The following SPPL2A variants were observed in gnomAD, a reference collection of about 807,000 sequenced individuals.
SPPL2A encodes the protein signal peptide peptidase like 2A, also known as signal peptide peptidase-like 2A.
In SPPL2A, 51 loss-of-function variants were observed where a neutral mutation model predicts 63.8. That is an observed-to-expected ratio of 0.80 (90% CI 0.64 to 1.01). SPPL2A has a LOEUF of 1.01. Ranked by LOEUF, SPPL2A falls within the 50% of genes least tolerant of loss-of-function variation. SPPL2A has a pLI of 0.00. For missense variants in SPPL2A, 553 were observed against 622.7 expected (o/e 0.89, Z 1.19); for synonymous variants, 188 against 205.8 (o/e 0.91, Z 0.74).
intron 6 of SPPL2A, among the ~76,000 whole-genome samples, chr15:50,738,541 T>C (rs1004161692): frequency 6.7e-6 from 1 of 149,920 alleles, no homozygotes; most frequent in Admixed American, 6.7e-5. Flanking sequence ...AGAGCAAGAC[T>C]CTGTTTCCAA....
intron 13 of SPPL2A, 21 bp from the exon 14 acceptor site, chr15:50,720,121 T>G: frequency 6.3e-7 from 1 of 1,588,408 alleles, no homozygotes; most frequent in Non-Finnish European, 8.5e-7. Flanking sequence ...AATACCAAGC[T>G]ATAAGTCATT....
chr15:50,724,863 C>T (rs1307267178), intron 12 of SPPL2A, among the ~76,000 whole-genome samples: 4 of 152,130 alleles, frequency 2.6e-5, no homozygotes, highest in Admixed American at 1.3e-4. Context: ...ACCCCTTTTT[C>T]TAAAACATAA....
At chr15:50,755,557 G>C (rs563839410) in intron 1 of SPPL2A, among the ~76,000 whole-genome samples, 8 of 144,124 alleles carry the variant, frequency 5.6e-5, no homozygotes, top group Non-Finnish European at 1.0e-4. Flanking sequence ...GGAGGTTGAA[G>C]CTGCAGGGAG....
At chr15:50,743,079 CTGGG>C (rs1260794404) in intron 5 of SPPL2A, 1 of 152,330 alleles carries the variant, frequency 6.6e-6, no homozygotes, top group African/African-American at 2.4e-5. Context: ...CGAAACTAGC[CTGGG>C]CAACACGGTG....
rs34293425 is a variant in SPPL2A, at chr15:50,762,899, AT to A, written c.66+2568del. Among the ~76,000 whole-genome samples the A allele has an allele frequency of 9.9e-4, 143 of 143,884 alleles. 1 individual carries two copies. The highest frequency in any genetic ancestry group is 1.0e-3 in the African/African-American group (41 of 39,166). The allele number at this position is 143,884 out of a possible 152,430, so 94.4% of individuals were successfully genotyped here. ...AGGCACGCACCACCACGCCCGGCTA[AT>A]TTTTTTTTTTTTGTATTTTTTTTTA... On this transcript the variant is annotated intron_variant, in intron 1 of 14. Coordinates refer to ENST00000261854, the MANE Select transcript of SPPL2A (RefSeq NM_032802.4).
chr15:50,749,654 T>C lies in SPPL2A; in HGVS notation c.159A>G (p.Pro53=). The part of the protein sequence containing the change: ...MLYNPYWTAL[P]STLENATSIS... The stretch of plus-strand genomic sequence containing the variant: ...TACTTACTGCATTTTCTAGGGTACT[T>C]GGAAGAGCTGTCCAATAAGGGTTAT... Residue 53 remains proline (P), a synonymous_variant, in exon 2 of 15, where the codon CCA becomes CCG. Coordinates refer to ENST00000261854, the MANE Select transcript of SPPL2A (RefSeq NM_032802.4). The C allele has an allele frequency of 1.3e-6, 2 of 1,599,932 alleles. No individual in the cohort carries two copies. The highest frequency in any genetic ancestry group is 4.5e-5 in the East Asian group (2 of 44,818).
intron 1 of SPPL2A, among the ~76,000 whole-genome samples, chr15:50,759,800 G>A (rs1214527228): frequency 6.6e-6 from 1 of 151,726 alleles, no homozygotes; most frequent in African/African-American, 2.4e-5. Flanking sequence ...TGGAAAAATA[G>A]CAAAAGACCT....
intron 1 of SPPL2A, among the ~76,000 whole-genome samples, chr15:50,758,550 G>C (rs1018595710): frequency 4.6e-5 from 7 of 151,646 alleles, no homozygotes; most frequent in Non-Finnish European, 7.4e-5. Flanking sequence ...GGATGGTCTC[G>C]ATCTCTTGAC....
intron 13 of SPPL2A, among the ~76,000 whole-genome samples, chr15:50,720,708 C>T (rs557438549): frequency 1.3e-5 from 2 of 151,794 alleles, no homozygotes; most frequent in Non-Finnish European, 2.9e-5. Context: ...TTAGCAGAGA[C>T]TGGGTTTCTC....
chr15:50,726,138 C>A, intron 11 of SPPL2A, 183 bp downstream of exon 11: 1 of 1,522,924 alleles, frequency 6.6e-7, no homozygotes, highest in Non-Finnish European at 8.8e-7. Context: ...TAGGATGAAA[C>A]CCAAGTCAAT....
intron 12 of SPPL2A, among the ~76,000 whole-genome samples, chr15:50,723,867 C>T (rs952378204): frequency 1.3e-5 from 2 of 152,178 alleles, no homozygotes; most frequent in African/African-American, 4.8e-5. Flanking sequence ...TTCTTCTTCC[C>T]AAAGAAGAAA....
In SPPL2A at chr15:50,705,554, C is replaced by G. The variant is rs1028679940; in HGVS notation, c.*2246G>C. On this transcript the variant is annotated 3_prime_UTR_variant, in exon 15 of 15. Coordinates refer to ENST00000261854, the MANE Select transcript of SPPL2A (RefSeq NM_032802.4). ...ACGGCACTTAATCTGTTCTCTCTCT[C>G]AGAGTCTGCCAAATAAATCAGATTT... is the stretch of plus-strand genomic sequence containing the variant. 1 of 152,054 alleles carries G rather than the reference C, an allele frequency of 6.6e-6. No homozygotes were observed. Among genetic ancestry groups the G allele is most frequent in the African/African-American group, 2.4e-5 (1 of 41,418 alleles). The allele number at this position is 152,054 out of a possible 1,614,324, so 9.4% of individuals were successfully genotyped here. A position where few individuals can be genotyped will look rare whatever the true frequency, so the allele number is the denominator to read the frequency against.
chr15:50,759,054 C>T (rs2062986774), intron 1 of SPPL2A, among the ~76,000 whole-genome samples: 1 of 152,050 alleles, frequency 6.6e-6, no homozygotes, highest in Admixed American at 6.6e-5. Flanking sequence ...GCATGATCCA[C>T]TGTACCCGGC....
intron 1 of SPPL2A, among the ~76,000 whole-genome samples, chr15:50,756,461 C>T (rs2062957963): frequency 6.6e-6 from 1 of 151,904 alleles, no homozygotes; most frequent in South Asian, 2.1e-4. Flanking sequence ...AAAGATCCTT[C>T]CTTTTCACCC....
intron 5 of SPPL2A, among the ~76,000 whole-genome samples, chr15:50,741,988 C>T (rs2062825167): frequency 6.6e-6 from 1 of 151,556 alleles, no homozygotes; most frequent in Non-Finnish European, 1.5e-5. Flanking sequence ...AAAAAAATTA[C>T]AATTCATCTT....
chr15:50,721,571 T>C (rs1437818434), intron 13 of SPPL2A, among the ~76,000 whole-genome samples: 3 of 151,598 alleles, frequency 2.0e-5, no homozygotes, highest in African/African-American at 4.8e-5. Flanking sequence ...GCTGGGACCA[T>C]AGGCATGACC....
chr15:50,755,827 T>C (rs536083110), intron 1 of SPPL2A, among the ~76,000 whole-genome samples: 5 of 151,692 alleles, frequency 3.3e-5, no homozygotes, highest in Non-Finnish European at 7.4e-5. Context: ...GCCATGGTAC[T>C]CAGGCTGGTC....
At chr15:50,725,990 AT>A (rs934272626) in intron 11 of SPPL2A, 432 of 918,112 alleles carry the variant, frequency 4.7e-4, no homozygotes, top group African/African-American at 1.2e-3. Context: ...GGCAATCTGG[AT>A]TTTTTTTTCC....
At chr15:50,729,037 C>T (rs2062710598) in intron 10 of SPPL2A, among the ~76,000 whole-genome samples, 1 of 152,076 alleles carries the variant, frequency 6.6e-6, no homozygotes, top group South Asian at 2.1e-4. Context: ...TGGTCTCAAA[C>T]TCCTGACCTC....
Sources: gnomAD v4.1 joint callset for allele counts (sites outside exome capture counted in the v4.1 genomes callset) on GRCh38, gnomAD v4.1.1 for gene constraint, MANE v1.5 for transcripts, NCBI Gene and HGNC (gene_info 2026-07-23, HGNC 2026-07-21) for gene names.